The following MPHOSPH8 variants were observed in gnomAD, a reference collection of about 807,000 sequenced individuals.
MPHOSPH8 encodes the protein M-phase phosphoprotein, mpp.
MPHOSPH8 carries 45 observed loss-of-function variants against 87.3 expected under a neutral mutation model. The ratio of observed to expected loss-of-function variants is 0.52; its 90% CI spans 0.41 to 0.66. The LOEUF (loss-of-function observed/expected upper bound fraction) is 0.66. Ranked by LOEUF, MPHOSPH8 falls within the 30% of genes least tolerant of loss-of-function variation. The pLI is 0.00. For synonymous variants in MPHOSPH8, 366 were observed against 376.9 expected, an observed-to-expected ratio of 0.97 and a Z score of 0.33; for missense variants, 883 against 1,020.2, an observed-to-expected ratio of 0.87 and a Z score of 1.83.
At chr13:19,635,538 A>G (rs1344496546) in intron 1 of MPHOSPH8, among the ~76,000 whole-genome samples, 1 of 152,186 alleles carries the variant, frequency 6.6e-6, no homozygotes, top group Non-Finnish European at 1.5e-5. Flanking sequence ...AAAAAAAATA[A>G]TAATAATTTG....
intron 7 of MPHOSPH8, 50 bp from the exon 8 acceptor site, chr13:19,661,648 A>G: frequency 6.6e-7 from 1 of 1,524,546 alleles, no homozygotes; most frequent in Non-Finnish European, 8.9e-7. Context: ...TGGTTCTGAA[A>G]TTGTTCTGAC....
At chr13:19,641,469 C>T (rs995336835) in intron 1 of MPHOSPH8, among the ~76,000 whole-genome samples, 4 of 146,506 alleles carry the variant, frequency 2.7e-5, no homozygotes, top group African/African-American at 5.1e-5. Flanking sequence ...ACTACAGGCA[C>T]GTGCCACCAT....
rs944247688 is a variant in MPHOSPH8, at chr13:19,672,101, A to G, written c.*226A>G. On this transcript the variant is annotated 3_prime_UTR_variant, in exon 14 of 14. Transcript: ENST00000361479. ...GACTGCGTATTTCAGTTTTTCCACA[A>G]TGTGGATAGTACATATGAGGATTAT... 2 of 559,080 alleles carry G rather than the reference A, an allele frequency of 3.6e-6. No homozygotes were observed. The highest frequency in any genetic ancestry group is 6.4e-6 in the Non-Finnish European group (2 of 313,042). The allele number at this position is 559,080 out of a possible 1,614,324, so 34.6% of individuals were successfully genotyped here. A position where few individuals can be genotyped will look rare whatever the true frequency, so the allele number is the denominator to read the frequency against.
intron 9 of MPHOSPH8, 68 bp downstream of exon 9, chr13:19,663,194 C>T: frequency 7.7e-7 from 1 of 1,306,202 alleles, no homozygotes; most frequent in South Asian, 1.2e-5. Flanking sequence ...GCATCTGCCA[C>T]TGCCAGGCAC....
In MPHOSPH8 at chr13:19,648,446, T is replaced by C; in HGVS notation, c.1243T>C (p.Ser415Pro). The C allele has an allele frequency of 6.3e-7, 1 of 1,592,106 alleles. No homozygotes were observed. The highest frequency in any genetic ancestry group is 8.5e-7 in the Non-Finnish European group (1 of 1,169,996). The change falls in exon 4 of 14, where the codon TCC becomes CCC. Residue 415 changes from serine (S) to proline (P), a missense_variant. Physicochemically the swap from Ser to Pro is moderately conservative, Grantham distance 74. Coordinates refer to ENST00000361479, the MANE Select transcript of MPHOSPH8 (RefSeq NM_017520.4). The part of the protein sequence containing the change: ...EEDKETKRNE[S>P]KEKYQKRHDS... ...GGACAAAGAAACCAAAAGAAATGAA[T>C]CCAAAGAAAAATATCAGAAAAGGCA... is the stretch of plus-strand genomic sequence containing the variant.
intron 12 of MPHOSPH8, chr13:19,670,748 C>T: frequency 8.4e-7 from 1 of 1,188,698 alleles, no homozygotes; most frequent in Admixed American, 3.7e-5. Context: ...TTGCTGGGGG[C>T]ATTCTAATCC....
intron 5 of MPHOSPH8, among the ~76,000 whole-genome samples, chr13:19,655,786 TAAA>T (rs1262204284): frequency 6.6e-6 from 1 of 151,892 alleles, no homozygotes; most frequent in Non-Finnish European, 1.5e-5. Context: ...GACAAAGAAA[TAAA>T]AAAGCCATAG....
chr13:19,665,733 G>C (rs1011427224), intron 9 of MPHOSPH8, among the ~76,000 whole-genome samples: 13 of 152,320 alleles, frequency 8.5e-5, no homozygotes, highest in Admixed American at 4.6e-4. Flanking sequence ...TCACAGGGTA[G>C]GGAGGCACAG....
rs1565937063 is a variant in MPHOSPH8 at position 19,650,154 on chromosome 13, T to A, written c.1470T>A (p.Leu490=). Reference sequence around the variant, plus strand: ...AAACCAAGGAAAACAAACAGTCACTTAAAGAAAGGAGAAACACCAGAGACG... The same window carrying A: ...AAACCAAGGAAAACAAACAGTCACTAAAAGAAAGGAGAAACACCAGAGACG... ...DHKTKENKQS[L]KERRNTRDET... Residue 490 remains leucine (L), a synonymous_variant, in exon 5 of 14, where the codon CTT becomes CTA. Transcript: ENST00000361479. 2 of 1,614,188 alleles carry A rather than the reference T, an allele frequency of 1.2e-6. No homozygotes were observed. The highest frequency in any genetic ancestry group is 1.7e-5 in the Admixed American group (1 of 60,020).
At chr13:19,638,465 T>G (rs956253718) in intron 1 of MPHOSPH8, among the ~76,000 whole-genome samples, 2 of 151,448 alleles carry the variant, frequency 1.3e-5, no homozygotes, top group African/African-American at 4.9e-5. Flanking sequence ...TACAAAAAAT[T>G]AGCCAGGCGT....
chr13:19,638,874 G>A (rs1422660002), intron 1 of MPHOSPH8, among the ~76,000 whole-genome samples: 1 of 151,658 alleles, frequency 6.6e-6, no homozygotes, highest in Non-Finnish European at 1.5e-5. Context: ...CTTGAGGTCA[G>A]GAGTTCAAGA....
intron 5 of MPHOSPH8, among the ~76,000 whole-genome samples, chr13:19,651,549 G>A (rs1874852239): frequency 6.6e-6 from 1 of 151,690 alleles, no homozygotes; most frequent in African/African-American, 2.4e-5. Flanking sequence ...AAAGAAAACT[G>A]GCTAGGCATG....
chr13:19,638,774 A>C (rs1198094505), intron 1 of MPHOSPH8, among the ~76,000 whole-genome samples: 1 of 152,054 alleles, frequency 6.6e-6, no homozygotes. Context: ...AGTTCTTGGC[A>C]CTTCGCTTGG....
intron 1 of MPHOSPH8, among the ~76,000 whole-genome samples, chr13:19,637,516 G>C (rs371647943): frequency 6.6e-6 from 1 of 151,986 alleles, no homozygotes; most frequent in African/African-American, 2.4e-5. Context: ...CACAAACAAG[G>C]ATCATTTTTG....
At chr13:19,658,901 G>A in intron 5 of MPHOSPH8, 94 bp from the exon 6 acceptor site, 1 of 1,457,140 alleles carries the variant, frequency 6.9e-7, no homozygotes, top group East Asian at 2.3e-5. Context: ...TGTACATAAA[G>A]CTTTGGTTAA....
chr13:19,649,545 G>T (rs1394440365), intron 4 of MPHOSPH8, among the ~76,000 whole-genome samples: 2 of 152,258 alleles, frequency 1.3e-5, no homozygotes, highest in Admixed American at 6.5e-5. Context: ...AAAGCTGGTA[G>T]CGTCAGGTAC....
At chr13:19,667,311 G>C (rs554992697) in intron 10 of MPHOSPH8, among the ~76,000 whole-genome samples, 44 of 152,210 alleles carry the variant, frequency 2.9e-4, no homozygotes, top group African/African-American at 1.0e-3. Flanking sequence ...CCCGACTGTC[G>C]AGATCCCAGT....
chr13:19,649,969 C>T lies in MPHOSPH8; in HGVS notation c.1319-34C>T, dbSNP rs769441936. 44 of 1,483,112 alleles carry T rather than the reference C, an allele frequency of 3.0e-5. No homozygotes were observed. The South Asian group carries it at 5.1e-4, about 17-fold the overall frequency. 91.9% of individuals were successfully genotyped at this position (1,483,112 alleles called of 1,614,324 possible). A position where few individuals can be genotyped will look rare whatever the true frequency, so the allele number is the denominator to read the frequency against. On this transcript the variant is annotated intron_variant, in intron 4 of 13. Transcript: ENST00000361479. ...TTGAATGTAACAGAAATTTGTGACT[C>T]ATACTTAACCATCTATTTTAATTTT... is the stretch of plus-strand genomic sequence containing the variant.
chr13:19,638,474 G>A (rs990419379), intron 1 of MPHOSPH8, among the ~76,000 whole-genome samples: 2 of 150,868 alleles, frequency 1.3e-5, no homozygotes, highest in African/African-American at 2.4e-5. Flanking sequence ...TTAGCCAGGC[G>A]TGGTGGTGTG....
Sources: gnomAD v4.1 joint callset for allele counts (sites outside exome capture counted in the v4.1 genomes callset) on GRCh38, gnomAD v4.1.1 for gene constraint, MANE v1.5 for transcripts, NCBI Gene and HGNC (gene_info 2026-07-23, HGNC 2026-07-21) for gene names.